MAP7D3: variants seen among roughly 807,000 people sequenced by gnomAD.
MAP7D3 encodes MAP7 domain-containing protein 3.
Under a neutral mutation model 62.2 loss-of-function variants are expected in MAP7D3, and 45 were observed. The ratio of observed to expected loss-of-function variants is 0.72; its 90% CI spans 0.57 to 0.93. The LOEUF is 0.93. Ranked by LOEUF, MAP7D3 falls within the 40% of genes least tolerant of loss-of-function variation. MAP7D3 has a pLI of 0.00. For missense variants in MAP7D3, 711 were observed against 683.1 expected, an observed-to-expected ratio of 1.04 and a Z score of -0.45; for synonymous variants, 288 against 248.8, an observed-to-expected ratio of 1.16 and a Z score of -1.48.
chrX:136,222,004 A>C (rs2074135728), intron 15 of MAP7D3: 1 of 125,283 alleles, frequency 8.0e-6, no homozygotes, highest in Admixed American at 8.9e-5. Flanking sequence ...ACATGGTTTC[A>C]ATTTTTCTTA....
intron 15 of MAP7D3, 82 bp downstream of exon 15, chrX:136,222,310 AC>A (rs1388656676): frequency 6.2e-5 from 44 of 707,178 alleles, no homozygotes; most frequent in African/African-American, 1.1e-4. Context: ...AGGTTAAGTG[AC>A]CTGCCCAAAG....
chrX:136,233,466 G>T (rs778285272), intron 7 of MAP7D3, among the ~76,000 whole-genome samples: 2 of 106,872 alleles, frequency 1.9e-5, no homozygotes, highest in African/African-American at 6.8e-5. Context: ...TAGAGACGGG[G>T]TTTCACCATG....
intron 1 of MAP7D3, among the ~76,000 whole-genome samples, chrX:136,246,571 G>A (rs2148422456): frequency 8.9e-6 from 1 of 112,231 alleles, no homozygotes; most frequent in Non-Finnish European, 1.9e-5. Context: ...GGTATTTGTA[G>A]ACATAAAGAT....
At chrX:136,226,167 T>C (rs752284456) in intron 12 of MAP7D3, among the ~76,000 whole-genome samples, 154 bp from the exon 13 acceptor site, 66 of 110,731 alleles carry the variant, frequency 6.0e-4, no homozygotes, top group Non-Finnish European at 1.1e-3. Flanking sequence ...TATTTGCGGA[T>C]TGTCAATTTT....
chrX:136,237,618 T>G (rs2074344315), intron 6 of MAP7D3, among the ~76,000 whole-genome samples: 1 of 112,316 alleles, frequency 8.9e-6, no homozygotes, highest in Admixed American at 9.4e-5. Context: ...CACACATACC[T>G]TCTTGTATTA....
In MAP7D3 at chrX:136,220,981, A is replaced by G. The variant is rs751017149; in HGVS notation, c.2288-18T>C. 8.3e-6 allele frequency: 9 copies of G among 1,080,181 alleles called. No homozygotes were observed. The highest frequency in any genetic ancestry group is 1.0e-5 in the Non-Finnish European group (8 of 776,998). 89.0% of individuals were successfully genotyped at this position (1,080,181 alleles called of 1,213,427 possible). A position where few individuals can be genotyped will look rare whatever the true frequency, so the allele number is the denominator to read the frequency against. ...TAGAATGGCTAGGAAAAAAAATTACACAATTAAATATGGAGTTTCAATAAA... is the reference window on the plus strand; with the variant it reads ...TAGAATGGCTAGGAAAAAAAATTACGCAATTAAATATGGAGTTTCAATAAA... On this transcript the variant is annotated intron_variant, in intron 15 of 18. Transcript: ENST00000316077.
chrX:136,243,908 C>G (rs2074418077), intron 4 of MAP7D3, among the ~76,000 whole-genome samples: 1 of 111,118 alleles, frequency 9.0e-6, no homozygotes, highest in Admixed American at 9.6e-5. Flanking sequence ...CCACAAAAGA[C>G]AAACTGAAGA....
intron 1 of MAP7D3, among the ~76,000 whole-genome samples, chrX:136,249,461 T>C (rs1186670452): frequency 8.9e-6 from 1 of 112,526 alleles, no homozygotes; most frequent in Non-Finnish European, 1.9e-5. Context: ...TAAACACGTG[T>C]TTTGTTAAAT....
intron 3 of MAP7D3, among the ~76,000 whole-genome samples, chrX:136,245,172 C>A (rs942083183): frequency 4.5e-5 from 5 of 112,204 alleles, no homozygotes; most frequent in African/African-American, 1.6e-4. Context: ...AACTGCATGG[C>A]CAGGATACAT....
chrX:136,225,920 C>T lies in MAP7D3; in HGVS notation c.2128G>A (p.Glu710Lys), dbSNP rs768478953. Residue 710 changes from glutamate (E) to lysine (K), a missense_variant, in exon 13 of 19, where the codon GAA becomes AAA. Glu to Lys is a moderately conservative substitution (Grantham distance 56). Transcript: ENST00000316077. ...CAGAGAGCGAGTACCTTTTTCCTTT[C>T]TAACCGTTCTTGTAAATTTTGTAAC... is the stretch of plus-strand genomic sequence containing the variant. ...IMLQNLQERL[E>K]RKKRIEEIMK... 1 of 1,186,795 alleles carries T rather than the reference C, an allele frequency of 8.4e-7. No individual in the cohort carries two copies. Among genetic ancestry groups the T allele is most frequent in the East Asian group, 3.0e-5 (1 of 33,548 alleles).
At chrX:136,256,048 CA>C, upstream of MAP7D3, 1 of 751,829 alleles carries the variant, frequency 1.3e-6, no homozygotes, top group South Asian at 6.8e-5. Context: ...TTAAGCTTAC[CA>C]GCCATGCGAT....
rs754951644 is a variant in MAP7D3, at chrX:136,227,393, A to G, written c.1925T>C (p.Val642Ala). The change falls in exon 12 of 19, where the codon GTT becomes GCT. Residue 642 changes from valine to alanine, a missense_variant. Physicochemically the swap from Val to Ala is moderately conservative, Grantham distance 64. Coordinates refer to ENST00000316077, the MANE Select transcript of MAP7D3 (RefSeq NM_024597.4). ...KKSKDMAKEA[V>A]GGQAEDHLKL... is the part of the protein sequence containing the mutation. ...CAAGTGGTCTTCTGCTTGGCCTCCA[A>G]CTGCTTCCTTTGCCATGTCTTTTGA... is the stretch of plus-strand genomic sequence containing the variant. 9 of 1,196,807 alleles carry G rather than the reference A, an allele frequency of 7.5e-6. No individual in the cohort carries two copies. Among genetic ancestry groups the G allele is most frequent in the Non-Finnish European group, 6.8e-6 (6 of 885,221 alleles).
At chrX:136,228,815 AAAG>A in intron 10 of MAP7D3, 57 bp from the exon 11 acceptor site, 1 of 971,951 alleles carries the variant, frequency 1.0e-6, no homozygotes, top group Non-Finnish European at 1.4e-6. Context: ...TCACTCCAAC[AAAG>A]AAGTGCAACA....
At chrX:136,241,928 C>T (rs2074394175) in intron 4 of MAP7D3, among the ~76,000 whole-genome samples, 1 of 111,735 alleles carries the variant, frequency 8.9e-6, no homozygotes. Context: ...ACTCCACTTC[C>T]AGAAATGAGC....
At position 136,224,741 on chromosome X, in the gene MAP7D3, C is replaced by T. The variant is rs2074174704; in HGVS notation, c.2193+86G>A. On this transcript the variant is annotated intron_variant, in intron 14 of 18. Transcript: ENST00000316077. ...CAAATGTAATACTTTATTTCATTAC[C>T]ACCAGATTGGGTAAAGTGAAAAACT... The T allele has an allele frequency of 5.1e-6, 3 of 592,067 alleles. No individual in the cohort carries two copies. In the African/African-American group the frequency reaches 6.8e-5, roughly 14 times the overall value. The allele number at this position is 592,067 out of a possible 1,213,427, so 48.8% of individuals were successfully genotyped here.
chrX:136,227,148 A>T, intron 12 of MAP7D3, 136 bp downstream of exon 12: 1 of 466,346 alleles, frequency 2.1e-6, no homozygotes, highest in East Asian at 4.6e-5. Context: ...TAAATAAATA[A>T]ATAAAATAAA....
intron 1 of MAP7D3, among the ~76,000 whole-genome samples, chrX:136,250,507 G>T (rs946215870): frequency 1.8e-4 from 20 of 111,518 alleles, no homozygotes; most frequent in Non-Finnish European, 2.5e-4. Flanking sequence ...AAAGCACTCT[G>T]AAGTGCTGAT....
In MAP7D3 at chrX:136,231,924, C is replaced by T; in HGVS notation, c.1033G>A (p.Val345Met). 4 of 1,211,497 alleles carry T rather than the reference C, an allele frequency of 3.3e-6. No individual in the cohort carries two copies. The highest frequency in any genetic ancestry group is 3.5e-5 in the South Asian group (2 of 56,978). The change falls in exon 8 of 19, where the codon GTG becomes ATG. Residue 345 changes from valine (V) to methionine (M), a missense_variant. Coordinates refer to ENST00000316077, the MANE Select transcript of MAP7D3 (RefSeq NM_024597.4). ...TDSFPVVSVD[V>M]SPVVSTYDSE... ...TCATATGTGCTCACCACAGGCGACA[C>T]GTCCACGCTCACCACAGGGAATGAG... is the stretch of plus-strand genomic sequence containing the variant.
At chrX:136,251,432 C>G, upstream of MAP7D3, 4 of 727,277 alleles carry the variant, frequency 5.5e-6, no homozygotes, top group Non-Finnish European at 4.9e-6. Context: ...CCGCTTGGGT[C>G]GTGGCCGGGC....
Sources: allele counts gnomAD v4.1 joint callset (sites outside exome capture counted in the v4.1 genomes callset), GRCh38; gene constraint gnomAD v4.1.1; transcripts MANE v1.5; gene names NCBI Gene and HGNC (gene_info 2026-07-23, HGNC 2026-07-21).